SMTN: variants seen among roughly 807,000 people sequenced by gnomAD.
The protein encoded by SMTN is smoothelin.
A neutral mutation model predicts 102.0 loss-of-function variants in SMTN; 58 were observed. The ratio of observed to expected loss-of-function variants is 0.57; its 90% CI spans 0.46 to 0.71. The LOEUF (loss-of-function observed/expected upper bound fraction) is 0.71. SMTN is among the 30% of genes least tolerant of loss of function. The pLI is 0.00. For synonymous variants in SMTN, 478 were observed against 497.9 expected (o/e 0.96, Z 0.53); for missense variants, 1,185 against 1,241.7 (o/e 0.95, Z 0.69).
chr22:31,095,667 T>G lies in SMTN; in HGVS notation c.1861+58T>G. The G allele has an allele frequency of 6.8e-7, 1 of 1,476,340 alleles. No homozygotes were observed. The highest frequency in any genetic ancestry group is 9.3e-7 in the Non-Finnish European group (1 of 1,077,152). The allele number at this position is 1,476,340 out of a possible 1,614,324, so 91.5% of individuals were successfully genotyped here. ...CTGCCCCATTCCCCAGCTGCTCCCC[T>G]CATACTCTGGGGTCCATTTGTGGAC... On this transcript the variant is annotated intron_variant, in intron 13 of 20. Coordinates refer to ENST00000333137, the MANE Select transcript of SMTN (RefSeq NM_134269.3). This position sits in a 1 kb window ranked among gnomAD's most constrained non-coding sequence, Gnocchi z 4.1.
rs1348815891 is a variant in SMTN, at chr22:31,091,809, C to G, written c.1594C>G (p.His532Asp). Residue 532 changes from histidine to aspartate, a missense_variant, in exon 11 of 21, where the codon CAT (histidine) becomes GAT (aspartate). His to Asp is a moderately conservative substitution (Grantham distance 81, BLOSUM62 -1). Coordinates refer to ENST00000333137, the MANE Select transcript of SMTN (RefSeq NM_134269.3). ...TGTCACTCATGTCACCAGCTTCAGC[C>G]ATGCCCCCCCCAGTAGCCGAGGAGG... ...GSVTHVTSFS[H>D]APPSSRGGCS... The G allele has an allele frequency of 5.6e-6, 9 of 1,605,282 alleles. No individual in the cohort carries two copies. Among genetic ancestry groups the G allele is most frequent in the Non-Finnish European group, 7.7e-6 (9 of 1,175,568 alleles).
At chr22:31,085,624 C>T (rs1185562332) in intron 2 of SMTN, among the ~76,000 whole-genome samples, 1 of 152,226 alleles carries the variant, frequency 6.6e-6, no homozygotes, top group African/African-American at 2.4e-5. Context: ...CCTTCCCCCT[C>T]GGTAGACAAT....
intron 10 of SMTN, 63 bp from the exon 11 acceptor site, chr22:31,091,612 C>T: frequency 2.0e-6 from 3 of 1,526,190 alleles, no homozygotes; most frequent in Admixed American, 1.9e-5. Flanking sequence ...GCATTATCAA[C>T]CTTGTCTGGC....
At chr22:31,104,063 G>C (rs915233506) in intron 20 of SMTN, 2 of 520,640 alleles carry the variant, frequency 3.8e-6, no homozygotes, top group South Asian at 2.7e-5. Context: ...CCCAGGACCT[G>C]CCTGACTGGG....
chr22:31,090,979 G>A lies in SMTN; in HGVS notation c.956G>A (p.Ser319Asn), dbSNP rs760927846. The A allele has an allele frequency of 5.9e-5, 95 of 1,613,252 alleles. No individual in the cohort carries two copies. The highest frequency in any genetic ancestry group is 7.8e-5 in the Non-Finnish European group (92 of 1,179,556). Residue 319 changes from serine to asparagine, a missense_variant, in exon 10 of 21, where the codon AGC becomes AAC. Ser to Asn is a conservative substitution (Grantham distance 46, BLOSUM62 1). This residue lies in a region of SMTN where 1,096 missense variants were observed against 1,112.7 expected (regional missense o/e 0.98). Transcript: ENST00000333137. Reference sequence around the variant, plus strand: ...CTTCTAGAGTCCACCCCCCTTGCCAGCGGACCTTCCTCATTCCAGCGGGCT... The same window carrying A: ...CTTCTAGAGTCCACCCCCCTTGCCAACGGACCTTCCTCATTCCAGCGGGCT... Reference protein sequence around the residue: ...AQNRESTPLASGPSSFQRAGS... With the variant: ...AQNRESTPLANGPSSFQRAGS...
At chr22:31,079,885 C>T (rs1037422206), upstream of SMTN, among the ~76,000 whole-genome samples, 5 of 152,236 alleles carry the variant, frequency 3.3e-5, no homozygotes, top group Non-Finnish European at 7.3e-5. Flanking sequence ...GCCTCAGCCT[C>T]CCAAGTAGCT....
intron 8 of SMTN, among the ~76,000 whole-genome samples, chr22:31,090,557 C>A (rs1207167205): frequency 6.6e-6 from 1 of 152,080 alleles, no homozygotes; most frequent in Non-Finnish European, 1.5e-5. Flanking sequence ...GCCTGGCCCC[C>A]AGGAGTGTCC....
chr22:31,092,507 C>T (rs2043213490), intron 11 of SMTN: 1 of 471,242 alleles, frequency 2.1e-6, no homozygotes, highest in African/African-American at 2.0e-5. Context: ...AAGGGATCCC[C>T]AAGCGGGCCA....
intron 2 of SMTN, chr22:31,084,994 C>T (rs1226473129): frequency 6.1e-6 from 9 of 1,478,656 alleles, no homozygotes; most frequent in Non-Finnish European, 7.2e-6. Flanking sequence ...GCCCTGCGCC[C>T]CAGCGTCTGG....
chr22:31,089,623 C>A (rs2042963156), intron 6 of SMTN, 76 bp from the exon 7 acceptor site: 1 of 1,420,708 alleles, frequency 7.0e-7, no homozygotes, highest in Non-Finnish European at 9.6e-7. Context: ...TGGGCACTTG[C>A]CAGCCTGGCC....
At position 31,104,475 on chromosome 22, in the gene SMTN, C is replaced by T. The variant is rs755177451; in HGVS notation, c.*180C>T. The T allele has an allele frequency of 6.2e-7, 1 of 1,611,368 alleles. No individual in the cohort carries two copies. Among genetic ancestry groups the T allele is most frequent in the Non-Finnish European group, 8.5e-7 (1 of 1,179,684 alleles). ...GCGGCAAGAATGTCTAGCCTGCCCGCCCGCATGGCCAGCCAGTGGCAAGCT... is the reference window on the plus strand; with the variant it reads ...GCGGCAAGAATGTCTAGCCTGCCCGTCCGCATGGCCAGCCAGTGGCAAGCT... On this transcript the variant is annotated 3_prime_UTR_variant, in exon 21 of 21. Transcript: ENST00000333137.
At chr22:31,065,177 C>G (rs944361715) in intron 1 of SMTN, 1 of 152,056 alleles carries the variant, frequency 6.6e-6, no homozygotes, top group African/African-American at 2.4e-5. Flanking sequence ...GGGCTACTTT[C>G]TGTTGATATG....
intron 1 of SMTN, among the ~76,000 whole-genome samples, chr22:31,073,039 G>C (rs1569232075): frequency 9.9e-6 from 1 of 100,732 alleles, no homozygotes; most frequent in African/African-American, 6.0e-5. Context: ...TTTTGAGACA[G>C]GGTCTTGCTC....
At chr22:31,092,668 G>A (rs1401301094) in intron 11 of SMTN, 2 of 420,820 alleles carry the variant, frequency 4.8e-6, no homozygotes, top group Non-Finnish European at 1.0e-5. Flanking sequence ...AAAAAAGCAG[G>A]ATCCAGCTGC....
chr22:31,074,633 T>TA (rs1379809048), intron 1 of SMTN, among the ~76,000 whole-genome samples: 1 of 151,936 alleles, frequency 6.6e-6, no homozygotes, highest in East Asian at 1.9e-4. Flanking sequence ...CTACTAAAAA[T>TA]ATATAACTTA....
At chr22:31,077,736 C>T (rs965945844), upstream of SMTN, among the ~76,000 whole-genome samples, 2 of 152,212 alleles carry the variant, frequency 1.3e-5, no homozygotes, top group Non-Finnish European at 2.9e-5. Flanking sequence ...TCACTGCTGC[C>T]CAGTGGGCAT....
chr22:31,084,950 G>C, intron 2 of SMTN: 1 of 1,392,728 alleles, frequency 7.2e-7, no homozygotes, highest in South Asian at 1.6e-5. Flanking sequence ...CGCGGGGCCG[G>C]GCCATATAAG....
chr22:31,097,352 C>T lies in SMTN; in HGVS notation c.2159+14C>T. 6.2e-7 allele frequency: 1 copy of T among 1,612,216 alleles called. No individual in the cohort carries two copies. The highest frequency in any genetic ancestry group is 1.3e-5 in the African/African-American group (1 of 75,028). Reference sequence around the variant, plus strand: ...GAAGATGGGCAGGTGAGCACCAGCACCCAATCCCTGACCATAGAGGAGTCA... The same window carrying T: ...GAAGATGGGCAGGTGAGCACCAGCATCCAATCCCTGACCATAGAGGAGTCA... On this transcript the variant is annotated intron_variant, in intron 16 of 20. Coordinates refer to ENST00000333137, the MANE Select transcript of SMTN (RefSeq NM_134269.3).
chr22:31,065,437 C>T (rs2147444228), intron 1 of SMTN: 1 of 152,114 alleles, frequency 6.6e-6, no homozygotes, highest in East Asian at 1.9e-4. Flanking sequence ...CAACCTCTGC[C>T]TCTTGGGTTC....
Sources: gnomAD v4.1 joint callset for allele counts (sites outside exome capture counted in the v4.1 genomes callset) on GRCh38, gnomAD v4.1.1 for gene constraint, gnomAD v4.1.1 regional missense constraint, Gnocchi (gnomAD v3.1) non-coding constraint, MANE v1.5 for transcripts, NCBI Gene and HGNC (gene_info 2026-07-23, HGNC 2026-07-21) for gene names.